SNX13: variants seen among roughly 807,000 people sequenced by gnomAD.
SNX13 encodes the protein sorting nexin-13.
A neutral mutation model predicts 133.6 loss-of-function variants in SNX13; 45 were observed. That is an observed-to-expected ratio of 0.34 (90% CI 0.27 to 0.43). The LOEUF (loss-of-function observed/expected upper bound fraction) is 0.43, where lower values mean the gene tolerates loss of function less well. SNX13 is among the 20% of genes least tolerant of loss of function. The pLI is 1.00. For synonymous variants in SNX13, 414 were observed against 373.9 expected, an observed-to-expected ratio of 1.11 and a Z score of -1.24; for missense variants, 1,032 against 1,145.1, an observed-to-expected ratio of 0.90 and a Z score of 1.43.
intron 1 of SNX13, among the ~76,000 whole-genome samples, chr7:17,908,016 C>A (rs2064160282): frequency 6.6e-6 from 1 of 152,176 alleles, no homozygotes; most frequent in African/African-American, 2.4e-5. Context: ...ACTGAACGCT[C>A]CTACCTGAAT....
intron 20 of SNX13, among the ~76,000 whole-genome samples, chr7:17,807,825 G>A (rs920615830): frequency 2.6e-5 from 3 of 117,472 alleles, no homozygotes; most frequent in African/African-American, 8.6e-5. Flanking sequence ...CGGGCAAACA[G>A]GGTCTGGAGT....
At chr7:17,862,467 CCTTT>C (rs1260860096) in intron 9 of SNX13, among the ~76,000 whole-genome samples, 1 of 152,056 alleles carries the variant, frequency 6.6e-6, no homozygotes, top group Non-Finnish European at 1.5e-5. Context: ...AAAATTACTA[CCTTT>C]CTATTAACAT....
chr7:17,921,444 A>G (rs1184058003), intron 1 of SNX13, among the ~76,000 whole-genome samples: 1 of 152,120 alleles, frequency 6.6e-6, no homozygotes, highest in Non-Finnish European at 1.5e-5. Context: ...CAAAGTCAAA[A>G]CAAACACTTC....
At chr7:17,851,929 T>A (rs996388749) in intron 9 of SNX13, among the ~76,000 whole-genome samples, 4 of 151,666 alleles carry the variant, frequency 2.6e-5, no homozygotes, top group African/African-American at 9.7e-5. Flanking sequence ...ATGGGAATAA[T>A]CAAGAGAATG....
chr7:17,801,656 G>A lies in SNX13; in HGVS notation c.2230C>T (p.Pro744Ser), dbSNP rs1249956503. 2 of 1,604,654 alleles carry A rather than the reference G, an allele frequency of 1.2e-6. No homozygotes were observed. The highest frequency in any genetic ancestry group is 1.7e-6 in the Non-Finnish European group (2 of 1,175,600). The change falls in exon 22 of 26, where the codon CCT (proline) becomes TCT (serine). Residue 744 changes from proline to serine, a missense_variant. By Grantham distance (74) the Pro-to-Ser change is moderately conservative. Coordinates refer to ENST00000428135, the MANE Select transcript of SNX13 (RefSeq NM_015132.5). ...GAATCAGTCTTAGGAATTAAAGGAG[G>A]CACCTAAAAATAAAACCAAATCCAC... ...QDIKQSFFKVPPLIPKTDSDP... is the reference protein window; with the variant it reads ...QDIKQSFFKVSPLIPKTDSDP...
Position 17,792,779 on chromosome 7 carries a change from T to C in SNX13, c.*1266A>G, listed in dbSNP as rs1783671053. On this transcript the variant is annotated 3_prime_UTR_variant, in exon 26 of 26. Transcript: ENST00000428135. ...AAATCCTGCATAGAAGGGATGTGAA[T>C]ACTTCTAAGATGGATAAAATGGACA... is the stretch of plus-strand genomic sequence containing the variant. The C allele has an allele frequency of 6.6e-6, 1 of 152,348 alleles. No homozygotes were observed. Among genetic ancestry groups the C allele is most frequent in the South Asian group, 2.1e-4 (1 of 4,828 alleles). 9.4% of individuals were successfully genotyped at this position (152,348 alleles called of 1,614,324 possible). A position where few individuals can be genotyped will look rare whatever the true frequency, so the allele number is the denominator to read the frequency against.
rs545071374 is a variant in SNX13 at position 17,928,713 on chromosome 7, T to A, written c.12+11571A>T. The stretch of plus-strand genomic sequence containing the variant: ...TTTTAGGAATCTGATGTAGATTTTG[T>A]AGGTGTTAAGATAACTTTCAGGGTA... On this transcript the variant is annotated intron_variant, in intron 1 of 25. Transcript: ENST00000428135. 8.5e-5 allele frequency among the ~76,000 whole-genome samples: 13 copies of A among 152,318 alleles called. No homozygotes were observed. The East Asian group carries it at 1.3e-3, about 16-fold the overall frequency.
chr7:17,850,745 A>G (rs1791104099), intron 10 of SNX13, 81 bp downstream of exon 10: 1 of 1,124,996 alleles, frequency 8.9e-7, no homozygotes, highest in Middle Eastern at 3.0e-4. Context: ...TCAGAAAATG[A>G]CATTTAGGTA....
intron 17 of SNX13, among the ~76,000 whole-genome samples, chr7:17,822,916 T>C (rs898635324): frequency 6.6e-6 from 1 of 152,204 alleles, no homozygotes; most frequent in Admixed American, 6.5e-5. Context: ...TTCAATTTTT[T>C]GTGGGTGACA....
chr7:17,831,970 T>A, intron 15 of SNX13: 1 of 983,996 alleles, frequency 1.0e-6, no homozygotes, highest in Middle Eastern at 5.2e-4. Flanking sequence ...ATACTTTTTT[T>A]GAATGGTTTC....
In SNX13 at chr7:17,841,811, G is replaced by C. The variant is rs553673135; in HGVS notation, c.1166-1811C>G. Among the ~76,000 whole-genome samples, 4 of 151,984 alleles carry C rather than the reference G, an allele frequency of 2.6e-5. No individual in the cohort carries two copies. The East Asian group carries it at 7.7e-4, about 29-fold the overall frequency. On this transcript the variant is annotated intron_variant, in intron 12 of 25. Transcript: ENST00000428135. ...CAAAATGGAAAGATCAATAGAGACA[G>C]AAAACCTAGAAGAAACCAAAATAAA...
intron 1 of SNX13, among the ~76,000 whole-genome samples, chr7:17,910,535 GAT>G (rs1372572358): frequency 6.6e-6 from 1 of 152,112 alleles, no homozygotes; most frequent in African/African-American, 2.4e-5. Context: ...ACAGAATTAT[GAT>G]ATGACTCAGC....
rs7792181 is a variant in SNX13, at chr7:17,863,552, T to C, written c.837+4855A>G. Reference sequence around the variant, plus strand: ...TATACATCTTTCCTCCTGGACAGCATTTCTAGACCCACCCTTGGCCAGAAG... The same window carrying C: ...TATACATCTTTCCTCCTGGACAGCACTTCTAGACCCACCCTTGGCCAGAAG... On this transcript the variant is annotated intron_variant, in intron 9 of 25. Transcript: ENST00000428135. 3.7e-3 allele frequency among the ~76,000 whole-genome samples: 559 copies of C among 152,318 alleles called. 5 individuals carry two copies. Among genetic ancestry groups the C allele is most frequent in the African/African-American group, 0.013 (534 of 41,574 alleles).
At chr7:17,825,893 C>A (rs1787854283) in intron 17 of SNX13, 129 bp downstream of exon 17, 8 of 563,006 alleles carry the variant, frequency 1.4e-5, no homozygotes, top group Admixed American at 3.3e-5. Context: ...GGACATGCTG[C>A]AGAAAAAAAG....
Position 17,890,430 on chromosome 7 carries a change from C to A in SNX13, c.373G>T (p.Asp125Tyr). ...YVQYWYYTLS[D>Y]DESFLLEIRQ... ...ATTTCAAGAAGAAAAGATTCATCAT[C>A]GCTTAGTGTATAATACCAATACTGG... Residue 125 changes from aspartate to tyrosine, a missense_variant, in exon 5 of 26, where the codon GAT becomes TAT. Coordinates refer to ENST00000428135, the MANE Select transcript of SNX13 (RefSeq NM_015132.5). 6.2e-7 allele frequency: 1 copy of A among 1,609,972 alleles called. No homozygotes were observed. The highest frequency in any genetic ancestry group is 8.5e-7 in the Non-Finnish European group (1 of 1,177,108).
rs765855597 is a variant in SNX13, at chr7:17,834,751, A to G, written c.1464+10T>C. 6.5e-7 allele frequency: 1 copy of G among 1,528,680 alleles called. No individual in the cohort carries two copies. The highest frequency in any genetic ancestry group is 1.7e-5 in the Admixed American group (1 of 58,552). The allele number at this position is 1,528,680 out of a possible 1,614,324, so 94.7% of individuals were successfully genotyped here. A position where few individuals can be genotyped will look rare whatever the true frequency, so the allele number is the denominator to read the frequency against. Reference sequence around the variant, plus strand: ...AAAGATAAAATGATAAATGCTGTACATAATAATACCTTTCTTTGAATGTCA... The same window carrying G: ...AAAGATAAAATGATAAATGCTGTACGTAATAATACCTTTCTTTGAATGTCA... On this transcript the variant is annotated intron_variant, in intron 14 of 25. Transcript: ENST00000428135.
intron 5 of SNX13, among the ~76,000 whole-genome samples, chr7:17,887,985 G>T (rs1796201636): frequency 6.6e-6 from 1 of 152,060 alleles, no homozygotes; most frequent in Non-Finnish European, 1.5e-5. Flanking sequence ...ACAGCAGACA[G>T]CACAGAATAA....
At chr7:17,893,838 G>T (rs1410865794) in intron 2 of SNX13, among the ~76,000 whole-genome samples, 2 of 150,750 alleles carry the variant, frequency 1.3e-5, no homozygotes, top group Non-Finnish European at 3.0e-5. Flanking sequence ...CCAGGGTGGT[G>T]GCTTGCACCT....
In SNX13 at chr7:17,940,319, T is replaced by A. The variant is rs1583877284; in HGVS notation, c.-24A>T. 1 of 1,563,542 alleles carries A rather than the reference T, an allele frequency of 6.4e-7. No individual in the cohort carries two copies. The highest frequency in any genetic ancestry group is 1.2e-5 in the South Asian group (1 of 84,712). On this transcript the variant is annotated 5_prime_UTR_variant, in exon 1 of 26. Coordinates refer to ENST00000428135, the MANE Select transcript of SNX13 (RefSeq NM_015132.5). Reference sequence around the variant, plus strand: ...ATTATTACACCCCGGGGAAGTGAGGTCCTCCCTAGCCTCGCCTCATGGCAA... The same window carrying A: ...ATTATTACACCCCGGGGAAGTGAGGACCTCCCTAGCCTCGCCTCATGGCAA...
Sources: allele counts gnomAD v4.1 joint callset (sites outside exome capture counted in the v4.1 genomes callset), GRCh38; gene constraint gnomAD v4.1.1; transcripts MANE v1.5; gene names NCBI Gene and HGNC (gene_info 2026-07-23, HGNC 2026-07-21).